SPX: variants seen among roughly 807,000 people sequenced by gnomAD.
SPX encodes spexin hormone.
A neutral mutation model predicts 19.2 loss-of-function variants in SPX; 22 were observed. The observed-to-expected ratio is 1.15, with a 90% CI of 0.82 to 1.64. The LOEUF is 1.64. Among genes scored for constraint, SPX ranks in the 40% most tolerant of loss-of-function variants. SPX has a pLI of 0.00. For missense variants in SPX, 143 were observed against 137.7 expected (o/e 1.04, Z -0.19); for synonymous variants, 50 against 53.3 (o/e 0.94, Z 0.27).
In SPX at chr12:21,527,743, C is replaced by A; in HGVS notation, c.162C>A (p.Ile54=). Residue 54 remains isoleucine (I), a synonymous_variant, in exon 4 of 6, where the codon ATC becomes ATA. Transcript: ENST00000256969. Reference sequence around the variant, plus strand: ...TTTTTGCAGAGGGTCGCCGCTTCATCTCCGACCAGAGCCGGAGAAAGGACC... The same window carrying A: ...TTTTTGCAGAGGGTCGCCGCTTCATATCCGACCAGAGCCGGAGAAAGGACC... ...YLKGAQGRRF[I]SDQSRRKDLS... is the part of the protein sequence containing the mutation. The A allele has an allele frequency of 6.4e-7, 1 of 1,568,264 alleles. No homozygotes were observed. The highest frequency in any genetic ancestry group is 1.3e-5 in the African/African-American group (1 of 74,446).
chr12:21,530,999 A>T (rs1943860069), intron 5 of SPX, 138 bp from the exon 6 acceptor site: 1 of 604,330 alleles, frequency 1.7e-6, no homozygotes, highest in African/African-American at 1.9e-5. Context: ...TATTGTTTAA[A>T]TTTTCAGTAG....
rs1210857733 is a variant in SPX at position 21,526,949 on chromosome 12, T to G, written c.70T>G (p.Ser24Ala). The change falls in exon 2 of 6, where the codon TCC becomes GCC. Residue 24 changes from serine (S) to alanine (A), a missense_variant. Physicochemically the swap from Ser to Ala is moderately conservative, Grantham distance 99 (BLOSUM62 1). Transcript: ENST00000256969. ...LFLVFVFLGN[S>A]SCAPQRLLER... ...CCTGGTGTTTGTTTTCCTGGGAAAC[T>G]CCAGCTGCGCTCCGCAGGTAATCAA... The G allele has an allele frequency of 6.2e-7, 1 of 1,614,216 alleles. No individual in the cohort carries two copies. Among genetic ancestry groups the G allele is most frequent in the Non-Finnish European group, 8.5e-7 (1 of 1,180,026 alleles).
chr12:21,527,226 A>G, intron 3 of SPX, 34 bp downstream of exon 3: 1 of 1,570,664 alleles, frequency 6.4e-7, no homozygotes, highest in Non-Finnish European at 8.8e-7. Flanking sequence ...TCCTACAATA[A>G]TGGAAGACCC....
intron 2 of SPX, 42 bp downstream of exon 2, chr12:21,527,008 T>C (rs1245007521): frequency 6.5e-7 from 1 of 1,533,492 alleles, no homozygotes; most frequent in Admixed American, 1.7e-5. Flanking sequence ...CAATGCGCAC[T>C]GTGTGTCCAC....
intron 4 of SPX, among the ~76,000 whole-genome samples, chr12:21,528,333 G>C (rs766924061): frequency 6.6e-6 from 1 of 152,190 alleles, no homozygotes; most frequent in Admixed American, 6.5e-5. Context: ...AATCAAAAGA[G>C]TAACATGCGG....
chr12:21,531,039 G>T, intron 5 of SPX, 98 bp from the exon 6 acceptor site: 1 of 767,046 alleles, frequency 1.3e-6, no homozygotes, highest in South Asian at 1.7e-5. Flanking sequence ...TAGCTTAGAA[G>T]GCTAAATGTT....
In SPX at chr12:21,529,054, T is replaced by C; in HGVS notation, c.262T>C (p.Leu88=). 1 of 1,614,142 alleles carries C rather than the reference T, an allele frequency of 6.2e-7. No individual in the cohort carries two copies. The highest frequency in any genetic ancestry group is 8.5e-7 in the Non-Finnish European group (1 of 1,180,002). The part of the protein sequence containing the change: ...LLTIPEAATI[L]LASLQKSPED... ...AACTATTCCGGAGGCAGCAACCATC[T>C]TACTGGCGTCCCTTCAGAAATCACC... Residue 88 remains leucine (L), a synonymous_variant, in exon 5 of 6, where the codon TTA becomes CTA. Transcript: ENST00000256969.
At chr12:21,526,512 A>AGG in intron 1 of SPX, 34 bp downstream of exon 1, 2 of 1,581,550 alleles carry the variant, frequency 1.3e-6, no homozygotes, top group Non-Finnish European at 1.7e-6. Context: ...GAGACTTCTT[A>AGG]GCTATTTTTT....
chr12:21,526,410 G>T lies in SPX; in HGVS notation c.-63G>T. 1.3e-6 allele frequency: 2 copies of T among 1,523,888 alleles called. No homozygotes were observed. Among genetic ancestry groups the T allele is most frequent in the South Asian group, 1.3e-5 (1 of 76,444 alleles). The allele number at this position is 1,523,888 out of a possible 1,614,324, so 94.4% of individuals were successfully genotyped here. On this transcript the variant is annotated 5_prime_UTR_variant, in exon 1 of 6. Coordinates refer to ENST00000256969, the MANE Select transcript of SPX (RefSeq NM_030572.4). The stretch of plus-strand genomic sequence containing the variant: ...AGATTTTAAAAGCTCCAATTTCAGA[G>T]CAAGAGTCGAAAACTCACAGATAAA...
In SPX at chr12:21,532,692, A is replaced by C. The variant is rs1021993045; in HGVS notation, c.*1497A>C. 3.9e-5 allele frequency: 6 copies of C among 152,208 alleles called. No homozygotes were observed. The highest frequency in any genetic ancestry group is 8.8e-5 in the Non-Finnish European group (6 of 68,028). The allele number at this position is 152,208 out of a possible 1,614,324, so 9.4% of individuals were successfully genotyped here. On this transcript the variant is annotated 3_prime_UTR_variant, in exon 6 of 6. Coordinates refer to ENST00000256969, the MANE Select transcript of SPX (RefSeq NM_030572.4). ...GGACATTAAAAATTATTTACCCATC[A>C]GACATAAAATTGTACAAATTGACTA... is the stretch of plus-strand genomic sequence containing the variant.
intron 3 of SPX, 106 bp from the exon 4 acceptor site, chr12:21,527,621 C>A (rs1943826674): frequency 1.7e-6 from 2 of 1,151,978 alleles, no homozygotes; most frequent in East Asian, 2.6e-5. Flanking sequence ...GAGCAACCTG[C>A]CCCCTCCCCA....
chr12:21,531,101 T>G (rs573929153), intron 5 of SPX, 36 bp from the exon 6 acceptor site: 1 of 1,223,160 alleles, frequency 8.2e-7, no homozygotes, highest in South Asian at 1.4e-5. Flanking sequence ...AAACGCAGAG[T>G]GTATATTTAT....
At chr12:21,527,276 A>G in intron 3 of SPX, 84 bp downstream of exon 3, 1 of 1,362,522 alleles carries the variant, frequency 7.3e-7, no homozygotes, top group Non-Finnish European at 1.0e-6. Flanking sequence ...TTATGGAGAG[A>G]GAATAATGTC....
intron 1 of SPX, 105 bp from the exon 2 acceptor site, chr12:21,526,781 T>G: frequency 8.9e-7 from 1 of 1,123,012 alleles, no homozygotes. Flanking sequence ...TAAAACAGAA[T>G]ATTGCGAGAA....
At chr12:21,526,522 T>A in intron 1 of SPX, 44 bp downstream of exon 1, 2 of 1,561,608 alleles carry the variant, frequency 1.3e-6, no homozygotes, top group Non-Finnish European at 8.8e-7. Flanking sequence ...AGCTATTTTT[T>A]AAAACGTTTT....
At chr12:21,527,524 T>G in intron 3 of SPX, 1 of 629,170 alleles carries the variant, frequency 1.6e-6, no homozygotes, top group Non-Finnish European at 2.8e-6. Context: ...GCGCGGGGCT[T>G]TCCTCCAGAG....
intron 4 of SPX, 31 bp downstream of exon 4, chr12:21,527,820 C>G (rs541564199): frequency 7.7e-6 from 12 of 1,559,620 alleles, no homozygotes; most frequent in Non-Finnish European, 1.0e-5. Context: ...GGGCGCTAGT[C>G]CTGCGCTTTT....
At chr12:21,527,029 C>T (rs1943821173) in intron 2 of SPX, 63 bp downstream of exon 2, 1 of 1,586,068 alleles carries the variant, frequency 6.3e-7, no homozygotes, top group African/African-American at 1.3e-5. Flanking sequence ...TCTGCTCTTT[C>T]TTTCTTCCTT....
Position 21,527,765 on chromosome 12 carries a change from G to C in SPX, c.184G>C (p.Asp62His). 1 of 1,571,802 alleles carries C rather than the reference G, an allele frequency of 6.4e-7. No homozygotes were observed. Among genetic ancestry groups the C allele is most frequent in the Non-Finnish European group, 8.6e-7 (1 of 1,158,172 alleles). ...CATCTCCGACCAGAGCCGGAGAAAG[G>C]ACCTCTCCGACCGGCCACTGCCGGG... ...RFISDQSRRK[D>H]LSDRPLPERR... The change falls in exon 4 of 6, where the codon GAC becomes CAC. Residue 62 changes from aspartate (D) to histidine (H), a missense_variant. Asp to His is a moderately conservative substitution (Grantham distance 81, BLOSUM62 -1). Transcript: ENST00000256969.
Sources: allele counts gnomAD v4.1 joint callset (sites outside exome capture counted in the v4.1 genomes callset), GRCh38; gene constraint gnomAD v4.1.1; transcripts MANE v1.5; gene names NCBI Gene and HGNC (gene_info 2026-07-23, HGNC 2026-07-21).